The following FAF2 variants were observed in gnomAD, a reference collection of about 807,000 sequenced individuals.
FAF2 encodes the protein Fas associated factor family member 2.
FAF2 carries 9 observed loss-of-function variants against 62.3 expected under a neutral mutation model. That is an observed-to-expected ratio of 0.14 (90% CI 0.09 to 0.25). The LOEUF is 0.25. Ranked by LOEUF, FAF2 falls within the 10% of genes least tolerant of loss-of-function variation. The probability of loss-of-function intolerance (pLI) is 1.00; values close to 1 mark genes in which losing one functional copy is unlikely to be tolerated. For missense variants in FAF2, 368 were observed against 556.2 expected (o/e 0.66, Z 3.40); for synonymous variants, 202 against 198.0 (o/e 1.02, Z -0.17).
At chr5:176,506,530 T>G (rs1399661403) in intron 10 of FAF2, among the ~76,000 whole-genome samples, 1 of 152,222 alleles carries the variant, frequency 6.6e-6, no homozygotes, top group Admixed American at 6.5e-5. Flanking sequence ...AGAGACAGAT[T>G]AATTCAGAGT....
chr5:176,486,544 T>G, intron 3 of FAF2, 55 bp downstream of exon 3: 1 of 1,553,110 alleles, frequency 6.4e-7, no homozygotes, highest in African/African-American at 1.4e-5. Context: ...GTATATCCAC[T>G]TGGTTATATT....
At chr5:176,500,405 A>G (rs181847188) in intron 10 of FAF2, among the ~76,000 whole-genome samples, 1 of 152,328 alleles carries the variant, frequency 6.6e-6, no homozygotes, top group East Asian at 1.9e-4. Flanking sequence ...CTGCTAAGAA[A>G]AAAAGGTACC....
chr5:176,474,981 A>G (rs921840063), intron 1 of FAF2, among the ~76,000 whole-genome samples: 4 of 152,214 alleles, frequency 2.6e-5, no homozygotes, highest in South Asian at 2.1e-4. Flanking sequence ...ACTGATCAGT[A>G]GTAATTGAAA....
At chr5:176,482,895 TTTGTTG>T (rs139025062) in intron 2 of FAF2, among the ~76,000 whole-genome samples, 28,326 of 151,456 alleles carry the variant, frequency 0.19, 2,713 homozygotes, top group African/African-American at 0.23. Context: ...GGTTTGTGGT[TTTGTTG>T]TTGTTGTTGT....
intron 1 of FAF2, among the ~76,000 whole-genome samples, chr5:176,470,112 CT>C (rs1406201796): frequency 6.6e-6 from 1 of 152,186 alleles, no homozygotes; most frequent in Non-Finnish European, 1.5e-5. Context: ...ACAGTTTCCC[CT>C]ATAATAATTT....
chr5:176,498,629 C>A (rs1689618652), intron 8 of FAF2, among the ~76,000 whole-genome samples: 1 of 152,126 alleles, frequency 6.6e-6, no homozygotes, highest in South Asian at 2.1e-4. Flanking sequence ...TTCATAATAA[C>A]AGTACTGTGT....
At chr5:176,451,267 G>A (rs928358827) in intron 1 of FAF2, among the ~76,000 whole-genome samples, 1 of 152,196 alleles carries the variant, frequency 6.6e-6, no homozygotes, top group East Asian at 1.9e-4. Flanking sequence ...GCTACTAGGG[G>A]GGCTGAGGCA....
At chr5:176,456,925 G>A (rs1333810081) in intron 1 of FAF2, among the ~76,000 whole-genome samples, 2 of 152,146 alleles carry the variant, frequency 1.3e-5, no homozygotes, top group East Asian at 1.9e-4. Context: ...TACTTACTCA[G>A]TAGTGTTTGC....
chr5:176,487,305 TC>T (rs1315949134), intron 3 of FAF2, among the ~76,000 whole-genome samples: 1 of 152,146 alleles, frequency 6.6e-6, no homozygotes, highest in East Asian at 1.9e-4. Flanking sequence ...CACCTCAGCC[TC>T]CTAAGTAGCT....
At chr5:176,454,586 A>G (rs1758248004) in intron 1 of FAF2, among the ~76,000 whole-genome samples, 1 of 21,940 alleles carries the variant, frequency 4.6e-5, no homozygotes, top group African/African-American at 1.4e-4. Flanking sequence ...TGAAAAAAAA[A>G]AAAAAAAAAA....
In FAF2 at chr5:176,486,856, G is replaced by A. The variant is rs140152541; in HGVS notation, c.267+367G>A. ...TGAAATTAGCCTTGAAGGGCTAGTA[G>A]CAAGGAGGTGGTTCACTTAAATTTG... On this transcript the variant is annotated intron_variant, in intron 3 of 10. Coordinates refer to ENST00000261942, the MANE Select transcript of FAF2 (RefSeq NM_014613.3). 1.6e-3 allele frequency among the ~76,000 whole-genome samples: 238 copies of A among 152,300 alleles called. 2 individuals carry two copies. Among genetic ancestry groups the A allele is most frequent in the Admixed American group, 5.2e-3 (79 of 15,296 alleles).
chr5:176,489,839 G>T (rs2113739520), intron 4 of FAF2, among the ~76,000 whole-genome samples: 1 of 152,284 alleles, frequency 6.6e-6, no homozygotes, highest in East Asian at 1.9e-4. Context: ...GAGCCACCAT[G>T]CCTGGCAGCT....
intron 2 of FAF2, among the ~76,000 whole-genome samples, chr5:176,482,895 TTTGTTGTTGTTG>T: frequency 6.6e-6 from 1 of 151,552 alleles, no homozygotes; most frequent in East Asian, 1.9e-4. Flanking sequence ...GGTTTGTGGT[TTTGTTGTTGTTG>T]TTGTTGTTGT....
intron 2 of FAF2, among the ~76,000 whole-genome samples, chr5:176,483,760 A>T (rs1284209034): frequency 6.6e-6 from 1 of 152,218 alleles, no homozygotes; most frequent in Non-Finnish European, 1.5e-5. Context: ...TATAGATTAA[A>T]AGCAGCTAAA....
rs886703367 is a variant in FAF2, at chr5:176,508,289, G to A, written c.*1339G>A. On this transcript the variant is annotated 3_prime_UTR_variant, in exon 11 of 11. Transcript: ENST00000261942. Reference sequence around the variant, plus strand: ...GCCATGTATTAACAGATGCCAGTGCGCTCTGACAAGTATTCCAAAGTGTTC... The same window carrying A: ...GCCATGTATTAACAGATGCCAGTGCACTCTGACAAGTATTCCAAAGTGTTC... 4 of 152,222 alleles carry A rather than the reference G, an allele frequency of 2.6e-5. No individual in the cohort carries two copies. The highest frequency in any genetic ancestry group is 9.6e-5 in the African/African-American group (4 of 41,536). 9.4% of individuals were successfully genotyped at this position (152,222 alleles called of 1,614,324 possible). A position where few individuals can be genotyped will look rare whatever the true frequency, so the allele number is the denominator to read the frequency against.
chr5:176,467,937 G>A (rs1242647545), intron 1 of FAF2, among the ~76,000 whole-genome samples: 1 of 152,138 alleles, frequency 6.6e-6, no homozygotes, highest in African/African-American at 2.4e-5. Flanking sequence ...GGCTGAGGGT[G>A]GCAGATCACC....
intron 1 of FAF2, among the ~76,000 whole-genome samples, chr5:176,448,856 G>C (rs1758116072): frequency 6.6e-6 from 1 of 152,124 alleles, no homozygotes; most frequent in Non-Finnish European, 1.5e-5. Context: ...TCGGGTCTCT[G>C]ACAGGAAAAC....
At chr5:176,457,026 G>T (rs912725255) in intron 1 of FAF2, among the ~76,000 whole-genome samples, 6 of 151,992 alleles carry the variant, frequency 3.9e-5, no homozygotes, top group Admixed American at 1.3e-4. Context: ...TTCAGAGTGG[G>T]CTGGGCATCG....
At chr5:176,501,822 C>T (rs527544813) in intron 10 of FAF2, among the ~76,000 whole-genome samples, 1 of 152,314 alleles carries the variant, frequency 6.6e-6, no homozygotes, top group Admixed American at 6.5e-5. Flanking sequence ...GGCACTGTCG[C>T]AGCTCGCTGC....
Sources: allele counts gnomAD v4.1 joint callset (sites outside exome capture counted in the v4.1 genomes callset), GRCh38; gene constraint gnomAD v4.1.1; transcripts MANE v1.5; gene names NCBI Gene and HGNC (gene_info 2026-07-23, HGNC 2026-07-21).